Variants in DPY19L1 observed in about 807,000 individuals in gnomAD.
DPY19L1 encodes the protein protein C-mannosyl-transferase DPY19L1.
DPY19L1 carries 35 observed loss-of-function variants against 96.9 expected under a neutral mutation model. The ratio of observed to expected loss-of-function variants is 0.36; its 90% CI spans 0.28 to 0.48. The LOEUF is 0.48. Among genes scored for constraint, DPY19L1 ranks in the 20% least tolerant of loss-of-function variants. DPY19L1 has a pLI of 0.99. For missense variants in DPY19L1, 521 were observed against 777.9 expected, an observed-to-expected ratio of 0.67 and a Z score of 3.93; for synonymous variants, 205 against 252.6, an observed-to-expected ratio of 0.81 and a Z score of 1.79.
At position 34,931,774 on chromosome 7, in the gene DPY19L1, A is replaced by G; in HGVS notation, c.2091-45T>C. 4 of 1,540,620 alleles carry G rather than the reference A, an allele frequency of 2.6e-6. No individual in the cohort carries two copies. The South Asian group carries it at 5.2e-5, about 20-fold the overall frequency. Reference sequence around the variant, plus strand: ...TGTTAAAAATCAATATGCATTATATAACTGCAGAGAAAGCAGAGCACTTCT... The same window carrying G: ...TGTTAAAAATCAATATGCATTATATGACTGCAGAGAAAGCAGAGCACTTCT... On this transcript the variant is annotated intron_variant, in intron 21 of 21. Coordinates refer to ENST00000638088, the MANE Select transcript of DPY19L1 (RefSeq NM_001366673.1).
At chr7:35,001,040 G>A (rs1290692581) in intron 6 of DPY19L1, among the ~76,000 whole-genome samples, 2 of 152,174 alleles carry the variant, frequency 1.3e-5, no homozygotes, top group African/African-American at 4.8e-5. Context: ...CCTCGGAAAA[G>A]TTATTTAATA....
In DPY19L1 at chr7:35,007,590, T is replaced by G. The variant is rs533346713; in HGVS notation, c.764+2878A>C. Among the ~76,000 whole-genome samples the G allele has an allele frequency of 3.0e-4, 38 of 127,806 alleles. No homozygotes were observed. In the East Asian group the frequency reaches 6.0e-3, roughly 20 times the overall value. The allele number at this position is 127,806 out of a possible 152,430, so 83.8% of individuals were successfully genotyped here. A position where few individuals can be genotyped will look rare whatever the true frequency, so the allele number is the denominator to read the frequency against. ...CACAACTCAGCACACACACGTGTGG[T>G]GTGTGTGTGTGTGTGTGTGTATATA... On this transcript the variant is annotated intron_variant, in intron 6 of 21. Coordinates refer to ENST00000638088, the MANE Select transcript of DPY19L1 (RefSeq NM_001366673.1).
rs768317551 is a variant in DPY19L1, at chr7:34,938,035, G to C, written c.2049C>G (p.Asn683Lys). 1 of 1,613,804 alleles carries C rather than the reference G, an allele frequency of 6.2e-7. No individual in the cohort carries two copies. The highest frequency in any genetic ancestry group is 1.1e-5 in the South Asian group (1 of 91,070). ...VKRELIKLKVNYYILEESWCV... is the reference protein window; with the variant it reads ...VKRELIKLKVKYYILEESWCV... ...ACCATGACTCTTCTAGAATGTAATA[G>C]TTCACTTTTAACTTTATCAGTTCTC... Residue 683 changes from asparagine (N) to lysine (K), a missense_variant, in exon 21 of 22, where the codon AAC (asparagine) becomes AAG (lysine). Coordinates refer to ENST00000638088, the MANE Select transcript of DPY19L1 (RefSeq NM_001366673.1).
At chr7:34,999,416 T>C (rs1785370839) in intron 6 of DPY19L1, among the ~76,000 whole-genome samples, 1 of 152,224 alleles carries the variant, frequency 6.6e-6, no homozygotes, top group African/African-American at 2.4e-5. Flanking sequence ...CAAATGTATT[T>C]TAAAATTATC....
intron 6 of DPY19L1, among the ~76,000 whole-genome samples, chr7:34,999,462 T>A (rs1423202509): frequency 2.0e-5 from 3 of 152,108 alleles, no homozygotes; most frequent in Non-Finnish European, 4.4e-5. Flanking sequence ...GAGGATATGA[T>A]CCTCAAAAGG....
chr7:34,960,306 GTTCC>G lies in DPY19L1; in HGVS notation c.1093-2240_1093-2237del, dbSNP rs1472887662. 2.0e-5 allele frequency among the ~76,000 whole-genome samples: 3 copies of G among 151,896 alleles called. No homozygotes were observed. In the East Asian group the frequency reaches 5.8e-4, roughly 29 times the overall value. Reference sequence around the variant, plus strand: ...ATCTTCAGATCCCAAAGCAATACATGTTCCTTCCATTTCTTTAAATCTTCTTTTA... The same window carrying G: ...ATCTTCAGATCCCAAAGCAATACATGTTCCATTTCTTTAAATCTTCTTTTA... On this transcript the variant is annotated intron_variant, in intron 10 of 21. Transcript: ENST00000638088.
intron 7 of DPY19L1, among the ~76,000 whole-genome samples, chr7:34,980,125 T>C (rs1019889285): frequency 2.6e-5 from 4 of 152,092 alleles, no homozygotes; most frequent in African/African-American, 7.2e-5. Flanking sequence ...TTATTTATGA[T>C]ACAAGGCCCA....
At chr7:34,957,660 G>A (rs1223112665) in intron 11 of DPY19L1, among the ~76,000 whole-genome samples, 2 of 152,146 alleles carry the variant, frequency 1.3e-5, no homozygotes, top group South Asian at 2.1e-4. Context: ...GATCTTCTGA[G>A]CACAGTGGAA....
chr7:35,011,720 A>G (rs1473911692), intron 4 of DPY19L1, among the ~76,000 whole-genome samples: 2 of 151,984 alleles, frequency 1.3e-5, no homozygotes, highest in African/African-American at 4.8e-5. Context: ...AACTCTACTA[A>G]GAGACACAAA....
At position 34,969,578 on chromosome 7, in the gene DPY19L1, T is replaced by C. The variant is rs546863496; in HGVS notation, c.915-46A>G. The C allele has an allele frequency of 4.5e-4, 427 of 953,476 alleles. 2 individuals are homozygous for C. The highest frequency in any genetic ancestry group is 5.1e-5 in the Non-Finnish European group (34 of 660,856). 59.1% of individuals were successfully genotyped at this position (953,476 alleles called of 1,614,324 possible). A position where few individuals can be genotyped will look rare whatever the true frequency, so the allele number is the denominator to read the frequency against. The stretch of plus-strand genomic sequence containing the variant: ...GTTAGTAAGTTTAAACACGAAATAG[T>C]CTAGCATGGCTCCAAACTGCTGCAA... On this transcript the variant is annotated intron_variant, in intron 8 of 21. Coordinates refer to ENST00000638088, the MANE Select transcript of DPY19L1 (RefSeq NM_001366673.1).
chr7:35,037,774 G>A, upstream of DPY19L1: 1 of 1,164,654 alleles, frequency 8.6e-7, no homozygotes, highest in Non-Finnish European at 1.1e-6. Flanking sequence ...GCGGACTTCC[G>A]GCGCAGGCGG....
At chr7:35,006,715 A>ATC (rs1236664083) in intron 6 of DPY19L1, among the ~76,000 whole-genome samples, 2 of 152,198 alleles carry the variant, frequency 1.3e-5, no homozygotes, top group Non-Finnish European at 2.9e-5. Flanking sequence ...TGCAAAACAG[A>ATC]TCTCACTTCA....
intron 17 of DPY19L1, among the ~76,000 whole-genome samples, chr7:34,942,323 G>C (rs184919353): frequency 4.6e-5 from 7 of 152,274 alleles, no homozygotes. Context: ...AGAGAGGAAA[G>C]TGATTTCCAA....
At chr7:35,034,486 A>C (rs1193246389) in intron 1 of DPY19L1, among the ~76,000 whole-genome samples, 4 of 152,198 alleles carry the variant, frequency 2.6e-5, no homozygotes, top group African/African-American at 9.7e-5. Flanking sequence ...TCTAAAAATA[A>C]ACATGTCAAG....
At chr7:35,014,292 C>T (rs77323225) in intron 3 of DPY19L1, among the ~76,000 whole-genome samples, 452 of 151,980 alleles carry the variant, frequency 3.0e-3, no homozygotes, top group Non-Finnish European at 4.5e-3. Flanking sequence ...GAACCCTGTG[C>T]GACTGGGGAT....
chr7:34,969,871 C>T (rs1784688528), intron 8 of DPY19L1, among the ~76,000 whole-genome samples: 2 of 152,018 alleles, frequency 1.3e-5, no homozygotes, highest in Non-Finnish European at 2.9e-5. Context: ...AAGATGCCTA[C>T]AAAAAGATGA....
chr7:35,010,649 T>A, intron 5 of DPY19L1, 88 bp from the exon 6 acceptor site: 2 of 884,546 alleles, frequency 2.3e-6, no homozygotes, highest in Non-Finnish European at 3.6e-6. Flanking sequence ...TGTGTTCATT[T>A]TGAAAATGGT....
Position 34,954,754 on chromosome 7 carries a change from A to G in DPY19L1, c.1264T>C (p.Phe422Leu). The change falls in exon 13 of 22, where the codon TTT becomes CTT. Residue 422 changes from phenylalanine to leucine, a missense_variant. By Grantham distance (22) the Phe-to-Leu change is conservative. Transcript: ENST00000638088. ...AAGTATTTAAGTATGACAGTTCCAA[A>G]TAACCAAAAACATCCTTGAATAACC... ...LWVIQGCFWL[F>L]GTVILKYLTS... The G allele has an allele frequency of 2.6e-6, 4 of 1,561,406 alleles. No individual in the cohort carries two copies. Among genetic ancestry groups the G allele is most frequent in the Non-Finnish European group, 3.5e-6 (4 of 1,144,736 alleles).
chr7:34,959,500 G>C (rs761433678), intron 10 of DPY19L1, among the ~76,000 whole-genome samples: 2 of 152,168 alleles, frequency 1.3e-5, no homozygotes, highest in Non-Finnish European at 2.9e-5. Context: ...TAAAGAAAAT[G>C]TGGCACATAT....
Sources: gnomAD v4.1 joint callset for allele counts (sites outside exome capture counted in the v4.1 genomes callset) on GRCh38, gnomAD v4.1.1 for gene constraint, MANE v1.5 for transcripts, NCBI Gene and HGNC (gene_info 2026-07-23, HGNC 2026-07-21) for gene names.